The following RBKS variants were observed in gnomAD, a reference collection of about 807,000 sequenced individuals.
The protein encoded by RBKS is ribokinase.
In RBKS, 33 loss-of-function variants were observed where a neutral mutation model predicts 33.9. That is an observed-to-expected ratio of 0.97 (90% CI 0.74 to 1.30). The LOEUF is 1.30. Among genes scored for constraint, RBKS ranks in the 50% most tolerant of loss-of-function variants. The pLI is 0.00. For missense variants in RBKS, 361 were observed against 392.6 expected, an observed-to-expected ratio of 0.92 and a Z score of 0.68; for synonymous variants, 125 against 143.0, an observed-to-expected ratio of 0.87 and a Z score of 0.90.
intron 7 of RBKS, among the ~76,000 whole-genome samples, chr2:27,826,341 A>G (rs1172021862): frequency 6.6e-6 from 1 of 152,156 alleles, no homozygotes; most frequent in Non-Finnish European, 1.5e-5. Context: ...TAAAAACTCT[A>G]AAATGTTTAT....
intron 4 of RBKS, among the ~76,000 whole-genome samples, 185 bp from the exon 5 acceptor site, chr2:27,843,416 TCTGTAAGATGCA>T (rs550078808): frequency 1.3e-5 from 2 of 152,354 alleles, no homozygotes; most frequent in East Asian, 3.9e-4. Context: ...TTATAATATC[TCTGTAAGATGCA>T]CATTATTCTG....
At chr2:27,825,309 A>C (rs1678289755) in intron 7 of RBKS, among the ~76,000 whole-genome samples, 1 of 152,212 alleles carries the variant, frequency 6.6e-6, no homozygotes, top group Admixed American at 6.5e-5. Context: ...TAGCATTTAC[A>C]TTGTTATGAC....
At chr2:27,850,425 T>C (rs187639256) in intron 2 of RBKS, among the ~76,000 whole-genome samples, 2 of 152,348 alleles carry the variant, frequency 1.3e-5, no homozygotes, top group Admixed American at 1.3e-4. Context: ...CCCACCATTA[T>C]AGTACTATAC....
intron 6 of RBKS, 51 bp downstream of exon 6, chr2:27,832,635 T>C (rs1328746331): frequency 2.3e-5 from 27 of 1,176,804 alleles, no homozygotes; most frequent in Non-Finnish European, 3.3e-5. Context: ...CTTTATCCAC[T>C]TGTACAAACT....
chr2:27,870,620 C>A, intron 1 of RBKS: 1 of 364,660 alleles, frequency 2.7e-6, no homozygotes, highest in East Asian at 7.4e-5. Context: ...CTGCAAAATG[C>A]TGTTAAGTTC....
chr2:27,816,286 TG>T (rs1678090230), intron 7 of RBKS, among the ~76,000 whole-genome samples: 1 of 152,260 alleles, frequency 6.6e-6, no homozygotes, highest in African/African-American at 2.4e-5. Flanking sequence ...GTGGAAGTAA[TG>T]TAATAGAGCT....
At chr2:27,875,910 G>A (rs1479801150) in intron 1 of RBKS, among the ~76,000 whole-genome samples, 1 of 152,058 alleles carries the variant, frequency 6.6e-6, no homozygotes, top group Non-Finnish European at 1.5e-5. Context: ...AATTGCATAA[G>A]AGGACATAAA....
intron 5 of RBKS, among the ~76,000 whole-genome samples, chr2:27,835,924 C>T (rs926524929): frequency 1.1e-4 from 16 of 151,926 alleles, no homozygotes; most frequent in African/African-American, 3.9e-4. Context: ...TCTTAAAACA[C>T]ATAGTATCTG....
At chr2:27,812,378 T>C (rs1271028587) in intron 7 of RBKS, among the ~76,000 whole-genome samples, 1 of 152,250 alleles carries the variant, frequency 6.6e-6, no homozygotes, top group African/African-American at 2.4e-5. Flanking sequence ...CAAAGGATTA[T>C]AAATCATGCT....
chr2:27,786,608 C>G (rs947630802), intron 7 of RBKS, among the ~76,000 whole-genome samples: 6 of 152,076 alleles, frequency 3.9e-5, no homozygotes, highest in Non-Finnish European at 7.4e-5. Context: ...GGGTGAAACC[C>G]CGTCTCTACG....
intron 1 of RBKS, among the ~76,000 whole-genome samples, chr2:27,862,568 C>T (rs1357654474): frequency 6.6e-6 from 1 of 152,136 alleles, no homozygotes; most frequent in Non-Finnish European, 1.5e-5. Context: ...TCATTCCACC[C>T]CTGGGCTTCT....
At position 27,863,408 on chromosome 2, in the gene RBKS, G is replaced by GTTTTTTTGCAATACTTGTTT. The variant is rs552624800; in HGVS notation, c.90-4838_90-4837insAAACAAGTATTGCAAAAAAA. 4.7e-4 allele frequency among the ~76,000 whole-genome samples: 72 copies of GTTTTTTTGCAATACTTGTTT among 152,312 alleles called. 1 individual carries two copies. The highest frequency in any genetic ancestry group is 1.6e-3 in the African/African-American group (65 of 41,552). On this transcript the variant is annotated intron_variant, in intron 1 of 7. Transcript: ENST00000302188. ...ACCAGCTTCTTCTCTTGCAAAACAGGTTTAATAATACTTGTCAACTCCTTA... is the reference window on the plus strand; with the variant it reads ...ACCAGCTTCTTCTCTTGCAAAACAGGTTTTTTTGCAATACTTGTTTTTTAATAATACTTGTCAACTCCTTA...
At chr2:27,863,218 C>A (rs1160818389) in intron 1 of RBKS, among the ~76,000 whole-genome samples, 1 of 152,120 alleles carries the variant, frequency 6.6e-6, no homozygotes, top group African/African-American at 2.4e-5. Flanking sequence ...TTTTAAAATG[C>A]CACAATGTCT....
At chr2:27,851,482 G>A (rs909333601) in intron 2 of RBKS, among the ~76,000 whole-genome samples, 1 of 151,130 alleles carries the variant, frequency 6.6e-6, no homozygotes, top group Non-Finnish European at 1.5e-5. Flanking sequence ...TTGTCCTTCT[G>A]TTCATTTTCC....
At chr2:27,873,829 A>C (rs2148227900) in intron 1 of RBKS, among the ~76,000 whole-genome samples, 1 of 138,684 alleles carries the variant, frequency 7.2e-6, no homozygotes, top group East Asian at 3.2e-4. Context: ...CTGGGAAACA[A>C]ACAAAAAAAA....
intron 5 of RBKS, among the ~76,000 whole-genome samples, chr2:27,836,095 GTC>G (rs1304802952): frequency 3.1e-4 from 47 of 152,122 alleles, no homozygotes; most frequent in African/African-American, 1.1e-3. Flanking sequence ...GCGCTTGTTA[GTC>G]CCAGCTACTT....
At chr2:27,830,099 C>T (rs985256075) in intron 6 of RBKS, among the ~76,000 whole-genome samples, 1 of 152,100 alleles carries the variant, frequency 6.6e-6, no homozygotes, top group Non-Finnish European at 1.5e-5. Context: ...TGAGGCTGTT[C>T]CATTTCTGAT....
Position 27,861,663 on chromosome 2 carries a change from T to TGCG in RBKS, c.90-3093_90-3092insCGC, listed in dbSNP as rs1553380056. On this transcript the variant is annotated intron_variant, in intron 1 of 7. Transcript: ENST00000302188. ...GAGATTAGTATGTTCCATTTCTTTT[T>TGCG]GGGGGGGGGGTGGAGTCTCACTTTG... 9.3e-5 allele frequency: 29 copies of TGCG among 313,214 alleles called. 1 individual carries two copies. Among genetic ancestry groups the TGCG allele is most frequent in the East Asian group, 5.0e-4 (3 of 5,996 alleles). The allele number at this position is 313,214 out of a possible 1,614,324, so 19.4% of individuals were successfully genotyped here.
At chr2:27,889,072 C>T (rs1242270403) in intron 1 of RBKS, among the ~76,000 whole-genome samples, 8 of 152,248 alleles carry the variant, frequency 5.3e-5, no homozygotes, top group Admixed American at 5.2e-4. Flanking sequence ...GTCTCCTACT[C>T]ATCCTCAAGT....
Sources: gnomAD v4.1 joint callset for allele counts (sites outside exome capture counted in the v4.1 genomes callset) on GRCh38, gnomAD v4.1.1 for gene constraint, MANE v1.5 for transcripts, NCBI Gene and HGNC (gene_info 2026-07-23, HGNC 2026-07-21) for gene names.